Variants in SLX4IP observed in about 807,000 individuals in gnomAD.
The protein encoded by SLX4IP is SLX4 interacting protein, also known as protein SLX4IP.
In SLX4IP, 34 loss-of-function variants were observed where a neutral mutation model predicts 32.9. That is an observed-to-expected ratio of 1.03 (90% CI 0.79 to 1.38). SLX4IP has a LOEUF of 1.38. Among genes scored for constraint, SLX4IP ranks in the 40% most tolerant of loss-of-function variants. The pLI, the probability that SLX4IP is intolerant of heterozygous loss-of-function variation, is 0.00. For synonymous variants in SLX4IP, 172 were observed against 171.7 expected, an observed-to-expected ratio of 1.00 and a Z score of -0.01; for missense variants, 444 against 479.0, an observed-to-expected ratio of 0.93 and a Z score of 0.68.
intron 2 of SLX4IP, among the ~76,000 whole-genome samples, chr20:10,483,414 G>A (rs1456308937): frequency 6.6e-6 from 1 of 152,094 alleles, no homozygotes; most frequent in East Asian, 1.9e-4. Context: ...GAGCCACTGC[G>A]CTTGTCCAAG....
intron 4 of SLX4IP, among the ~76,000 whole-genome samples, chr20:10,582,276 A>G (rs2084756502): frequency 6.6e-6 from 1 of 152,198 alleles, no homozygotes; most frequent in Admixed American, 6.5e-5. Flanking sequence ...TCCATAGGCC[A>G]TTAGAGTGTC....
chr20:10,475,536 A>T (rs1427908038), intron 2 of SLX4IP, among the ~76,000 whole-genome samples: 6 of 152,158 alleles, frequency 3.9e-5, no homozygotes, highest in Non-Finnish European at 1.5e-5. Flanking sequence ...CATGGCCCTG[A>T]GGCAGCTTCA....
At chr20:10,618,050 TCCTGGAATTTAAAATGTGTTTC>T (rs954130762) in intron 6 of SLX4IP, among the ~76,000 whole-genome samples, 3 of 152,356 alleles carry the variant, frequency 2.0e-5, no homozygotes, top group Admixed American at 2.0e-4. Flanking sequence ...GTCCTTTCTA[TCCTGGAATTTAAAATGTGTTTC>T]CCAGGTCAGC....
In SLX4IP at chr20:10,625,802, T is replaced by C. The variant is rs2067165113; in HGVS notation, c.*2423T>C. The stretch of plus-strand genomic sequence containing the variant: ...GGCTCTCAGTTCCCACACTGTGACA[T>C]GTGTTTGAGGAATTTTGCCTTTAAG... On this transcript the variant is annotated 3_prime_UTR_variant, in exon 8 of 8. Transcript: ENST00000334534. 1 of 152,178 alleles carries C rather than the reference T, an allele frequency of 6.6e-6. No individual in the cohort carries two copies. The highest frequency in any genetic ancestry group is 2.1e-4 in the South Asian group (1 of 4,826). 9.4% of individuals were successfully genotyped at this position (152,178 alleles called of 1,614,324 possible).
chr20:10,489,254 A>G (rs1464928598), intron 2 of SLX4IP, among the ~76,000 whole-genome samples: 1 of 152,166 alleles, frequency 6.6e-6, no homozygotes, highest in Admixed American at 6.5e-5. Context: ...TCGGTCCACT[A>G]ATGTAGACAA....
intron 4 of SLX4IP, among the ~76,000 whole-genome samples, chr20:10,589,201 TA>T (rs990514271): frequency 5.3e-5 from 8 of 152,150 alleles, no homozygotes; most frequent in Admixed American, 2.0e-4. Context: ...ATGACAACAC[TA>T]AAAAAACTTT....
chr20:10,615,711 T>G (rs2067018390), intron 6 of SLX4IP, among the ~76,000 whole-genome samples: 1 of 152,102 alleles, frequency 6.6e-6, no homozygotes, highest in African/African-American at 2.4e-5. Flanking sequence ...GAACAGAAAT[T>G]TATTTCTTAT....
At chr20:10,622,540 C>T (rs932700184) in intron 7 of SLX4IP, 119 bp from the exon 8 acceptor site, 8 of 1,392,148 alleles carry the variant, frequency 5.7e-6, no homozygotes, top group East Asian at 2.3e-5. Context: ...GCTGGGGAAG[C>T]GAGAGGGCAG....
intron 2 of SLX4IP, among the ~76,000 whole-genome samples, chr20:10,511,419 G>A (rs1301018193): frequency 6.6e-6 from 1 of 152,162 alleles, no homozygotes; most frequent in Non-Finnish European, 1.5e-5. Context: ...GAGACTGTCT[G>A]TTCACCTGAC....
At chr20:10,565,009 T>A (rs2066374751) in intron 4 of SLX4IP, among the ~76,000 whole-genome samples, 1 of 152,224 alleles carries the variant, frequency 6.6e-6, no homozygotes, top group Non-Finnish European at 1.5e-5. Flanking sequence ...ATATTTATAG[T>A]TTAGGTTTGT....
chr20:10,578,264 C>A (rs1441590633), intron 4 of SLX4IP, among the ~76,000 whole-genome samples: 1 of 152,232 alleles, frequency 6.6e-6, no homozygotes, highest in African/African-American at 2.4e-5. Flanking sequence ...AGACAACCAA[C>A]CACCAGCTTA....
chr20:10,496,121 G>C (rs572101070), intron 2 of SLX4IP, among the ~76,000 whole-genome samples: 5 of 150,770 alleles, frequency 3.3e-5, no homozygotes. Context: ...TATATTTTTT[G>C]CTTGCCATTC....
intron 2 of SLX4IP, among the ~76,000 whole-genome samples, chr20:10,534,270 C>T (rs962110249): frequency 1.3e-5 from 2 of 152,144 alleles, no homozygotes; most frequent in African/African-American, 2.4e-5. Flanking sequence ...TATTCCCTGC[C>T]TCCTTCCTTT....
intron 2 of SLX4IP, among the ~76,000 whole-genome samples, chr20:10,474,668 A>G (rs902344016): frequency 6.6e-6 from 1 of 152,172 alleles, no homozygotes; most frequent in Admixed American, 6.5e-5. Context: ...GAGCCTCTCC[A>G]CTTCCGCCGG....
intron 1 of SLX4IP, among the ~76,000 whole-genome samples, chr20:10,447,177 A>G (rs928021397): frequency 1.3e-5 from 2 of 152,184 alleles, no homozygotes; most frequent in Non-Finnish European, 2.9e-5. Flanking sequence ...ATTTCACACT[A>G]ATTTCACAGT....
At chr20:10,497,509 T>C (rs375322786) in intron 2 of SLX4IP, among the ~76,000 whole-genome samples, 4 of 152,320 alleles carry the variant, frequency 2.6e-5, no homozygotes, top group East Asian at 1.9e-4. Flanking sequence ...TCTTCAAATA[T>C]GGTTTTCTAC....
chr20:10,571,329 C>G (rs1428160811), intron 4 of SLX4IP, among the ~76,000 whole-genome samples: 5 of 152,198 alleles, frequency 3.3e-5, no homozygotes, highest in African/African-American at 1.2e-4. Flanking sequence ...AGGATCCTCT[C>G]TCCCCAGGGA....
intron 2 of SLX4IP, among the ~76,000 whole-genome samples, chr20:10,518,309 C>A (rs6077823): frequency 0.034 from 5,125 of 152,294 alleles, 111 homozygotes; most frequent in Middle Eastern, 0.058. Flanking sequence ...CTCTGGATGA[C>A]CATTCTCCAC....
intron 4 of SLX4IP, among the ~76,000 whole-genome samples, chr20:10,567,183 C>A (rs531230338): frequency 6.6e-6 from 1 of 152,072 alleles, no homozygotes; most frequent in South Asian, 2.1e-4. Context: ...GGAAAGAGGC[C>A]AGCCAGCATC....
Sources: allele counts gnomAD v4.1 joint callset (sites outside exome capture counted in the v4.1 genomes callset), GRCh38; gene constraint gnomAD v4.1.1; transcripts MANE v1.5; gene names NCBI Gene and HGNC (gene_info 2026-07-23, HGNC 2026-07-21).